HDAC9: variants seen among roughly 807,000 people sequenced by gnomAD.
HDAC9 encodes the protein histone deacetylase 9.
A neutral mutation model predicts 139.4 loss-of-function variants in HDAC9; 41 were observed. That is an observed-to-expected ratio of 0.29 (90% confidence interval 0.23 to 0.38). The LOEUF (loss-of-function observed/expected upper bound fraction) is 0.38. HDAC9 is among the 10% of genes least tolerant of loss of function. The pLI, the probability that HDAC9 is intolerant of heterozygous loss-of-function variation, is 1.00. For missense variants in HDAC9, 1,147 were observed against 1,297.0 expected, an observed-to-expected ratio of 0.88 and a Z score of 1.78; for synonymous variants, 517 against 476.2, an observed-to-expected ratio of 1.09 and a Z score of -1.12.
intron 1 of HDAC9, among the ~76,000 whole-genome samples, chr7:18,099,013 G>T (rs1782684757): frequency 6.6e-6 from 1 of 152,178 alleles, no homozygotes; most frequent in African/African-American, 2.4e-5. Context: ...ACAGGTTGGG[G>T]AAATGAGGAA....
chr7:18,880,064 A>G (rs10441036), intron 22 of HDAC9, among the ~76,000 whole-genome samples: 5,214 of 152,290 alleles, frequency 0.034, 188 homozygotes, highest in African/African-American at 0.093. Context: ...AAAAGGCTCA[A>G]TATCACTGAT....
intron 23 of HDAC9, among the ~76,000 whole-genome samples, chr7:18,937,769 T>C (rs1449833467): frequency 2.0e-5 from 3 of 152,222 alleles, no homozygotes; most frequent in Admixed American, 1.3e-4. Flanking sequence ...ATAATTGACC[T>C]AGCCAGAAAG....
intron 16 of HDAC9, among the ~76,000 whole-genome samples, chr7:18,770,936 T>C (rs1299353685): frequency 3.9e-5 from 6 of 152,276 alleles, no homozygotes; most frequent in East Asian, 3.9e-4. Flanking sequence ...TCATGCTCTG[T>C]TCCCTGGGGA....
intron 24 of HDAC9, among the ~76,000 whole-genome samples, chr7:18,967,051 T>C (rs1452748341): frequency 6.6e-6 from 1 of 152,188 alleles, no homozygotes; most frequent in Admixed American, 6.5e-5. Context: ...TTTGTCGATA[T>C]TCATTATTCA....
At chr7:18,241,608 A>G (rs888935336) in intron 2 of HDAC9, among the ~76,000 whole-genome samples, 3 of 152,212 alleles carry the variant, frequency 2.0e-5, no homozygotes, top group African/African-American at 7.2e-5. Flanking sequence ...GTCCAATGCC[A>G]TTATTCAATG....
intron 1 of HDAC9, among the ~76,000 whole-genome samples, chr7:18,098,289 A>G (rs1211226108): frequency 6.6e-6 from 1 of 152,144 alleles, no homozygotes; most frequent in Admixed American, 6.6e-5. Context: ...CATATATTGA[A>G]CCTCAGTATT....
At chr7:18,937,071 G>A (rs2051923) in intron 23 of HDAC9, among the ~76,000 whole-genome samples, 43,032 of 128,026 alleles carry the variant, frequency 0.34, 7,683 homozygotes, top group Non-Finnish European at 0.42. Flanking sequence ...ATAGAGTCTC[G>A]CTCTGTCGCC....
At chr7:18,445,585 C>T (rs565870492) in intron 1 of HDAC9, among the ~76,000 whole-genome samples, 7 of 152,250 alleles carry the variant, frequency 4.6e-5, no homozygotes, top group South Asian at 2.1e-4. Context: ...ATAGAATTTT[C>T]GGAGCCAATT....
At chr7:18,143,732 G>A (rs763275079) in intron 1 of HDAC9, among the ~76,000 whole-genome samples, 1 of 150,708 alleles carries the variant, frequency 6.6e-6, no homozygotes, top group South Asian at 2.1e-4. Flanking sequence ...GGCGGAGGTT[G>A]CAGTGAGCCA....
chr7:18,788,150 C>G (rs570452829), intron 16 of HDAC9, among the ~76,000 whole-genome samples: 5 of 152,284 alleles, frequency 3.3e-5, no homozygotes, highest in African/African-American at 9.6e-5. Flanking sequence ...TGATTACTGA[C>G]TTCTCTGCCA....
chr7:18,282,107 T>G (rs1234282181), intron 2 of HDAC9, among the ~76,000 whole-genome samples: 1 of 152,076 alleles, frequency 6.6e-6, no homozygotes, highest in African/African-American at 2.4e-5. Context: ...ACACACACAC[T>G]CACAGAATCA....
chr7:18,734,999 A>G (rs898874880), intron 13 of HDAC9, among the ~76,000 whole-genome samples: 8 of 152,112 alleles, frequency 5.3e-5, no homozygotes, highest in African/African-American at 1.4e-4. Flanking sequence ...GAAGATGAGT[A>G]TTTTTTCATG....
chr7:18,599,454 C>G (rs1017259075), intron 6 of HDAC9, among the ~76,000 whole-genome samples: 1 of 152,130 alleles, frequency 6.6e-6, no homozygotes, highest in African/African-American at 2.4e-5. Context: ...TCCTGTGCCC[C>G]ACCTATTCAT....
At chr7:18,673,240 C>T (rs1487956726) in intron 12 of HDAC9, among the ~76,000 whole-genome samples, 2 of 151,836 alleles carry the variant, frequency 1.3e-5, no homozygotes, top group African/African-American at 2.4e-5. Flanking sequence ...GATCATGCCA[C>T]GGTGCTGTAG....
intron 1 of HDAC9, among the ~76,000 whole-genome samples, chr7:18,489,187 T>TC (rs1796188582): frequency 6.6e-6 from 1 of 152,042 alleles, no homozygotes; most frequent in Non-Finnish European, 1.5e-5. Flanking sequence ...TATGCTAAGC[T>TC]CTGGTAATAC....
chr7:18,717,107 G>A (rs1433846285), intron 12 of HDAC9, among the ~76,000 whole-genome samples: 1 of 150,926 alleles, frequency 6.6e-6, no homozygotes, highest in Non-Finnish European at 1.5e-5. Flanking sequence ...TACCCTCACT[G>A]GAAGTGACCA....
At chr7:18,289,266 AT>A (rs1176356466), upstream of HDAC9, among the ~76,000 whole-genome samples, 1 of 152,124 alleles carries the variant, frequency 6.6e-6, no homozygotes, top group Non-Finnish European at 1.5e-5. Flanking sequence ...TAGTACTTAG[AT>A]TTTCATTTTC....
At chr7:18,195,823 A>G (rs999185547) in intron 2 of HDAC9, among the ~76,000 whole-genome samples, 2 of 152,148 alleles carry the variant, frequency 1.3e-5, no homozygotes, top group South Asian at 2.1e-4. Context: ...TTATGTATAA[A>G]TGTTTCATCA....
chr7:18,295,568 C>T (rs1178865045), intron 1 of HDAC9, among the ~76,000 whole-genome samples: 1 of 152,146 alleles, frequency 6.6e-6, no homozygotes, highest in Non-Finnish European at 1.5e-5. Context: ...TCTATCTTTA[C>T]ATAACTGTAT....
Sources: gnomAD v4.1 joint callset for allele counts (sites outside exome capture counted in the v4.1 genomes callset) on GRCh38, gnomAD v4.1.1 for gene constraint, MANE v1.5 for transcripts, NCBI Gene and HGNC (gene_info 2026-07-23, HGNC 2026-07-21) for gene names.